Variants in SLC25A48 observed in about 807,000 individuals in gnomAD.
SLC25A48 encodes CTC-321K16.1.
A neutral mutation model predicts 32.2 loss-of-function variants in SLC25A48; 29 were observed. The observed-to-expected ratio is 0.90, with a 90% CI of 0.67 to 1.23. The LOEUF (loss-of-function observed/expected upper bound fraction) is 1.23. Among genes scored for constraint, SLC25A48 ranks in the 50% most tolerant of loss-of-function variants. The probability of loss-of-function intolerance (pLI) is 0.00; values close to 1 mark genes in which losing one functional copy is unlikely to be tolerated. For missense variants in SLC25A48, 399 were observed against 422.7 expected (o/e 0.94, Z 0.49); for synonymous variants, 164 against 172.3 (o/e 0.95, Z 0.38).
chr5:135,860,521 C>T (rs1760691600), intron 4 of SLC25A48, among the ~76,000 whole-genome samples: 1 of 152,144 alleles, frequency 6.6e-6, no homozygotes, highest in Admixed American at 6.5e-5. Flanking sequence ...GCCTGATGTG[C>T]TTGGATCCTC....
At chr5:135,682,576 A>C (rs1408537344) in intron 3 of SLC25A48, among the ~76,000 whole-genome samples, 1 of 152,204 alleles carries the variant, frequency 6.6e-6, no homozygotes, top group African/African-American at 2.4e-5. Flanking sequence ...TTAACTAATC[A>C]CCACAATACT....
At chr5:135,613,214 A>AT (rs1378705945) in intron 1 of SLC25A48, among the ~76,000 whole-genome samples, 1 of 151,898 alleles carries the variant, frequency 6.6e-6, no homozygotes, top group African/African-American at 2.4e-5. Context: ...GTCTATTTGT[A>AT]TTTTTTTGAG....
intron 1 of SLC25A48, among the ~76,000 whole-genome samples, chr5:135,583,283 A>C (rs1408346997): frequency 1.3e-5 from 2 of 151,790 alleles, no homozygotes; most frequent in Non-Finnish European, 2.9e-5. Flanking sequence ...TTAGAGATGA[A>C]GTCTCTGGGA....
intron 3 of SLC25A48, among the ~76,000 whole-genome samples, chr5:135,650,817 A>G (rs944021055): frequency 3.9e-5 from 6 of 152,072 alleles, no homozygotes; most frequent in Non-Finnish European, 8.8e-5. Context: ...AATGGGGGGC[A>G]TAGGCAGAGG....
chr5:135,623,145 T>A (rs1319772268), intron 1 of SLC25A48, among the ~76,000 whole-genome samples: 1 of 152,230 alleles, frequency 6.6e-6, no homozygotes, highest in Non-Finnish European at 1.5e-5. Flanking sequence ...TGCATGGACA[T>A]CCCTTCTTGG....
chr5:135,753,326 A>T (rs1354708987), intron 3 of SLC25A48, among the ~76,000 whole-genome samples: 1 of 151,906 alleles, frequency 6.6e-6, no homozygotes, highest in African/African-American at 2.4e-5. Context: ...ATAATAACAG[A>T]GAGTTACCCG....
chr5:135,829,027 G>A (rs1363010533), intron 4 of SLC25A48, among the ~76,000 whole-genome samples: 1 of 152,068 alleles, frequency 6.6e-6, no homozygotes, highest in East Asian at 1.9e-4. Context: ...ATTTCCTATG[G>A]TCCTGGCCTC....
intron 3 of SLC25A48, among the ~76,000 whole-genome samples, chr5:135,733,923 T>C (rs893363974): frequency 3.9e-5 from 6 of 152,088 alleles, no homozygotes; most frequent in African/African-American, 1.4e-4. Context: ...TTTGGCACCC[T>C]GGGGTGGATA....
intron 3 of SLC25A48, among the ~76,000 whole-genome samples, chr5:135,662,893 T>A (rs974361702): frequency 3.9e-5 from 6 of 152,082 alleles, no homozygotes; most frequent in Non-Finnish European, 8.8e-5. Flanking sequence ...TTCAGTGTCA[T>A]CTCCTGCACC....
At chr5:135,823,648 C>T (rs1476090103) in intron 4 of SLC25A48, among the ~76,000 whole-genome samples, 2 of 152,166 alleles carry the variant, frequency 1.3e-5, no homozygotes, top group African/African-American at 4.8e-5. Flanking sequence ...AGATATTAAT[C>T]AAGAAACCAC....
intron 3 of SLC25A48, among the ~76,000 whole-genome samples, chr5:135,765,890 C>A (rs1756205067): frequency 1.3e-5 from 2 of 151,478 alleles, no homozygotes; most frequent in South Asian, 4.2e-4. Context: ...GGGCATACAC[C>A]CTCCTGTGTT....
At chr5:135,586,128 G>C (rs1044142649) in intron 1 of SLC25A48, among the ~76,000 whole-genome samples, 9 of 152,174 alleles carry the variant, frequency 5.9e-5, no homozygotes, top group Non-Finnish European at 8.8e-5. Flanking sequence ...TAACTACCAA[G>C]TGGCAGAGCT....
chr5:135,798,610 T>G (rs1203015023), intron 3 of SLC25A48, among the ~76,000 whole-genome samples: 1 of 151,558 alleles, frequency 6.6e-6, no homozygotes, highest in African/African-American at 2.4e-5. Flanking sequence ...ATGATTAATA[T>G]CCCCAAAATT....
intron 3 of SLC25A48, among the ~76,000 whole-genome samples, chr5:135,713,039 ATTTTGGG>A (rs1754706191): frequency 6.6e-6 from 1 of 152,114 alleles, no homozygotes; most frequent in African/African-American, 2.4e-5. Context: ...ACCAACTTAT[ATTTTGGG>A]TTTAACGAAC....
At chr5:135,813,199 C>G (rs1018237269) in intron 4 of SLC25A48, 1 of 152,430 alleles carries the variant, frequency 6.6e-6, no homozygotes, top group Non-Finnish European at 1.5e-5. Context: ...TCTGCCATCT[C>G]CCAAGGTTCA....
chr5:135,668,253 A>G lies in SLC25A48; in HGVS notation c.-521+33297A>G, dbSNP rs371265701. On this transcript the variant is annotated intron_variant, in intron 3 of 10. Coordinates refer to the SLC25A48 transcript ENST00000646290. The stretch of plus-strand genomic sequence containing the variant: ...CCAAATGATCAAAACTCAGGATCCT[A>G]TAAGCTGAGAAGTTTAAGACTTATG... 1.5e-4 allele frequency among the ~76,000 whole-genome samples: 23 copies of G among 152,370 alleles called. No individual in the cohort carries two copies. In the East Asian group the frequency reaches 2.7e-3, roughly 18 times the overall value.
chr5:135,628,501 C>T (rs73791009), intron 1 of SLC25A48, among the ~76,000 whole-genome samples: 4,435 of 152,120 alleles, frequency 0.029, 209 homozygotes, highest in African/African-American at 0.1. Flanking sequence ...GAACAGAAGA[C>T]GGGTGACATC....
intron 3 of SLC25A48, among the ~76,000 whole-genome samples, chr5:135,700,677 C>T (rs950788711): frequency 1.3e-5 from 2 of 152,186 alleles, no homozygotes; most frequent in East Asian, 3.9e-4. Flanking sequence ...ATACTGTTCT[C>T]AATGGTGCAG....
At chr5:135,726,075 T>G (rs1264922869) in intron 3 of SLC25A48, among the ~76,000 whole-genome samples, 2 of 152,134 alleles carry the variant, frequency 1.3e-5, no homozygotes, top group African/African-American at 2.4e-5. Flanking sequence ...GTGGGGTTGA[T>G]CCAGGTGTGC....
Sources: gnomAD v4.1 joint callset for allele counts (sites outside exome capture counted in the v4.1 genomes callset) on GRCh38, gnomAD v4.1.1 for gene constraint, MANE v1.5 for transcripts, NCBI Gene and HGNC (gene_info 2026-07-23, HGNC 2026-07-21) for gene names.